Variants in MMP26 observed in about 807,000 individuals in gnomAD.
MMP26 encodes the protein matrix metallopeptidase 26.
Under a neutral mutation model 31.0 loss-of-function variants are expected in MMP26, and 33 were observed. The observed-to-expected ratio is 1.06, with a 90% CI of 0.81 to 1.42. MMP26 has a LOEUF of 1.42. Ranked by LOEUF, MMP26 falls within the 40% of genes most tolerant of loss-of-function variation. The pLI, the probability that MMP26 is intolerant of heterozygous loss-of-function variation, is 0.00. For missense variants in MMP26, 347 were observed against 316.1 expected, an observed-to-expected ratio of 1.10 and a Z score of -0.74; for synonymous variants, 122 against 114.9, an observed-to-expected ratio of 1.06 and a Z score of -0.40.
chr11:4,959,221 G>A (rs1204489696), intron 2 of MMP26, among the ~76,000 whole-genome samples: 3 of 108,676 alleles, frequency 2.8e-5, no homozygotes, highest in Middle Eastern at 9.6e-3. Context: ...CTGGGCGACA[G>A]AGAGAAACTC....
At chr11:4,751,785 A>G (rs1038037736) in intron 1 of MMP26, among the ~76,000 whole-genome samples, 1 of 152,136 alleles carries the variant, frequency 6.6e-6, no homozygotes, top group African/African-American at 2.4e-5. Context: ...TTGAGCAGAA[A>G]CAGCATAGAA....
At position 4,859,361 on chromosome 11, in the gene MMP26, C is replaced by T. The variant is rs114361009; in HGVS notation, c.-145+92020C>T. Among the ~76,000 whole-genome samples the T allele has an allele frequency of 4.1e-3, 628 of 152,228 alleles. 8 individuals are homozygous for T. Among genetic ancestry groups the T allele is most frequent in the African/African-American group, 0.014 (593 of 41,530 alleles). ...TTTGTTCTCACTGATGCTCATCTCC[C>T]GTGTCATAGAAAAGTGTGAAGCTAC... On this transcript the variant is annotated intron_variant, in intron 2 of 7. Transcript: ENST00000380390.
At position 4,915,693 on chromosome 11, in the gene MMP26, G is replaced by A. The variant is rs905794149; in HGVS notation, c.-144-72375G>A. The A allele has an allele frequency of 1.9e-6, 3 of 1,540,160 alleles. No homozygotes were observed. The African/African-American group carries it at 4.1e-5, about 21-fold the overall frequency. On this transcript the variant is annotated intron_variant, in intron 2 of 7. Coordinates refer to ENST00000380390, the MANE Select transcript of MMP26 (RefSeq NM_021801.5). ...TGAGGAGACAAGGGGGAAGGTGGGTGCCCTCCAAAATCCTGAAGTAAATTG... is the reference window on the plus strand; with the variant it reads ...TGAGGAGACAAGGGGGAAGGTGGGTACCCTCCAAAATCCTGAAGTAAATTG...
chr11:4,966,758 G>A (rs551622912), intron 2 of MMP26, among the ~76,000 whole-genome samples: 196 of 152,282 alleles, frequency 1.3e-3, no homozygotes, highest in African/African-American at 4.5e-3. Context: ...TTAAGGACAA[G>A]CTATCTTATC....
chr11:4,916,217 G>A (rs761743610), intron 2 of MMP26, among the ~76,000 whole-genome samples: 4 of 151,534 alleles, frequency 2.6e-5, no homozygotes, highest in Admixed American at 1.3e-4. Context: ...ACTGTGGGTT[G>A]GCAGTGGCTG....
At chr11:4,769,039 G>T in intron 2 of MMP26, 1 of 1,537,778 alleles carries the variant, frequency 6.5e-7, no homozygotes, top group Non-Finnish European at 8.8e-7. Flanking sequence ...TTACACTGTC[G>T]ATGATGGGGT....
chr11:4,769,948 C>A (rs10836609), intron 2 of MMP26: 134,784 of 1,107,870 alleles, frequency 0.12, 9,415 homozygotes, highest in African/African-American at 0.25. Context: ...TTTGTCCTCA[C>A]AATGCTTCCA....
chr11:4,874,984 T>G (rs908427368), intron 2 of MMP26, among the ~76,000 whole-genome samples: 2 of 152,082 alleles, frequency 1.3e-5, no homozygotes, highest in Admixed American at 1.3e-4. Context: ...GGGTCTTCTC[T>G]ATGGAGAAAC....
chr11:4,888,727 A>G (rs1233684582), intron 2 of MMP26, among the ~76,000 whole-genome samples: 1 of 152,196 alleles, frequency 6.6e-6, no homozygotes. Flanking sequence ...AGGCAAAAGA[A>G]TTCCTGGTTC....
intron 2 of MMP26, among the ~76,000 whole-genome samples, chr11:4,962,649 T>G (rs942080042): frequency 1.3e-5 from 2 of 152,194 alleles, no homozygotes; most frequent in Non-Finnish European, 1.5e-5. Flanking sequence ...GATTTTAATT[T>G]TTTTCTGTGT....
intron 2 of MMP26, among the ~76,000 whole-genome samples, chr11:4,920,138 T>A (rs1052703151): frequency 6.6e-6 from 1 of 152,184 alleles, no homozygotes; most frequent in Non-Finnish European, 1.5e-5. Context: ...TTATGTTTTG[T>A]GGATATCTAG....
intron 2 of MMP26, among the ~76,000 whole-genome samples, chr11:4,922,488 C>CA (rs762630540): frequency 1.3e-4 from 20 of 151,872 alleles, no homozygotes; most frequent in Non-Finnish European, 2.6e-4. Flanking sequence ...ATATATGTAC[C>CA]AACACAAACA....
intron 2 of MMP26, chr11:4,877,884 CATTT>C (rs1850405363): frequency 6.6e-6 from 1 of 152,080 alleles, no homozygotes; most frequent in Non-Finnish European, 1.5e-5. Context: ...AATTTTCAAA[CATTT>C]ATGTATAATA....
intron 2 of MMP26, chr11:4,907,494 A>G (rs774175870): frequency 4.3e-6 from 7 of 1,613,916 alleles, no homozygotes; most frequent in Non-Finnish European, 5.9e-6. Context: ...ATCATGGGCA[A>G]CTGCACCATT....
rs180682041 is a variant in MMP26, at chr11:4,722,824, T to C, written c.-217+17779T>C. 57 of 948,186 alleles carry C rather than the reference T, an allele frequency of 6.0e-5. No individual in the cohort carries two copies. The Admixed American group carries it at 9.7e-4, about 16-fold the overall frequency. 58.7% of individuals were successfully genotyped at this position (948,186 alleles called of 1,614,324 possible). A position where few individuals can be genotyped will look rare whatever the true frequency, so the allele number is the denominator to read the frequency against. On this transcript the variant is annotated intron_variant, in intron 1 of 7. Coordinates refer to ENST00000380390, the MANE Select transcript of MMP26 (RefSeq NM_021801.5). ...ACAACCACGGCCCTGGTGGAGCTGGTGTGGCTGAAGGAGCTGGAGCCGCGC... is the reference window on the plus strand; with the variant it reads ...ACAACCACGGCCCTGGTGGAGCTGGCGTGGCTGAAGGAGCTGGAGCCGCGC...
intron 2 of MMP26, among the ~76,000 whole-genome samples, chr11:4,785,278 T>C (rs961686123): frequency 6.6e-6 from 1 of 152,144 alleles, no homozygotes; most frequent in African/African-American, 2.4e-5. Flanking sequence ...AAAAAATGTA[T>C]TTATCCTCTC....
intron 1 of MMP26, among the ~76,000 whole-genome samples, chr11:4,763,749 A>T (rs1239221095): frequency 4.6e-5 from 7 of 152,236 alleles, no homozygotes; most frequent in African/African-American, 1.7e-4. Flanking sequence ...GCAATGAGTA[A>T]GGAAACACAG....
At chr11:4,782,066 A>T (rs1356851287) in intron 2 of MMP26, among the ~76,000 whole-genome samples, 1 of 152,190 alleles carries the variant, frequency 6.6e-6, no homozygotes, top group Non-Finnish European at 1.5e-5. Context: ...AGACTAATGC[A>T]GTAAATTGGT....
At chr11:4,742,377 C>G (rs1848326330) in intron 1 of MMP26, among the ~76,000 whole-genome samples, 1 of 152,004 alleles carries the variant, frequency 6.6e-6, no homozygotes, top group Non-Finnish European at 1.5e-5. Context: ...TGGTTTCCAG[C>G]AAATAATGGT....
Sources: gnomAD v4.1 joint callset for allele counts (sites outside exome capture counted in the v4.1 genomes callset) on GRCh38, gnomAD v4.1.1 for gene constraint, MANE v1.5 for transcripts, NCBI Gene and HGNC (gene_info 2026-07-23, HGNC 2026-07-21) for gene names.